The following GCNT2 variants were observed in gnomAD, a reference collection of about 807,000 sequenced individuals.
GCNT2 encodes the protein N-acetyllactosaminide beta-1,6-N-acetylglucosaminyl-transferase.
GCNT2 carries 34 observed loss-of-function variants against 34.2 expected under a neutral mutation model. The observed-to-expected ratio is 1.00, with a 90% CI of 0.76 to 1.32. The LOEUF is 1.32. Ranked by LOEUF, GCNT2 falls within the 40% of genes most tolerant of loss-of-function variation. GCNT2 has a pLI of 0.00. For missense variants in GCNT2, 584 were observed against 489.4 expected (o/e 1.19, Z -1.82); for synonymous variants, 212 against 188.0 (o/e 1.13, Z -1.04).
intron 3 of GCNT2, among the ~76,000 whole-genome samples, chr6:10,618,353 T>C (rs1765884896): frequency 6.6e-6 from 1 of 152,162 alleles, no homozygotes; most frequent in Non-Finnish European, 1.5e-5. Flanking sequence ...GGTTAGTAGG[T>C]GTTATGTGTT....
chr6:10,609,355 C>G (rs1404172726), intron 3 of GCNT2, among the ~76,000 whole-genome samples: 1 of 152,136 alleles, frequency 6.6e-6, no homozygotes, highest in African/African-American at 2.4e-5. Context: ...GTCAAGCTTG[C>G]TTTTACAATA....
intron 3 of GCNT2, among the ~76,000 whole-genome samples, chr6:10,605,203 T>A (rs1581473967): frequency 7.2e-6 from 1 of 139,354 alleles, no homozygotes; most frequent in East Asian, 2.1e-4. Flanking sequence ...TGCTTTCATG[T>A]AGGAATTTTT....
intron 3 of GCNT2, among the ~76,000 whole-genome samples, chr6:10,607,994 C>G (rs1215670282): frequency 6.6e-6 from 1 of 151,728 alleles, no homozygotes; most frequent in Non-Finnish European, 1.5e-5. Flanking sequence ...AATCTCTCCT[C>G]TGCCTCAAAT....
At chr6:10,585,322 C>T (rs1042279819) in intron 3 of GCNT2, among the ~76,000 whole-genome samples, 1 of 152,024 alleles carries the variant, frequency 6.6e-6, no homozygotes, top group Admixed American at 6.6e-5. Flanking sequence ...TGAGACTACA[C>T]GTGCGTGCCA....
intron 3 of GCNT2, among the ~76,000 whole-genome samples, chr6:10,611,461 G>A (rs1765552959): frequency 6.6e-6 from 1 of 151,870 alleles, no homozygotes; most frequent in African/African-American, 2.4e-5. Context: ...CTCCCAAGTA[G>A]CTGGGACTAC....
At chr6:10,550,932 A>G (rs930846712) in intron 3 of GCNT2, among the ~76,000 whole-genome samples, 2 of 152,208 alleles carry the variant, frequency 1.3e-5, no homozygotes, top group African/African-American at 4.8e-5. Context: ...CTCAAGCTAC[A>G]GACACACCCA....
intron 3 of GCNT2, among the ~76,000 whole-genome samples, chr6:10,553,209 G>A (rs902563707): frequency 6.6e-6 from 1 of 152,218 alleles, no homozygotes; most frequent in Non-Finnish European, 1.5e-5. Context: ...AGGAGGGAAT[G>A]TGTACACAAT....
chr6:10,553,176 G>T (rs1054994993), intron 3 of GCNT2, among the ~76,000 whole-genome samples: 1 of 152,188 alleles, frequency 6.6e-6, no homozygotes, highest in Non-Finnish European at 1.5e-5. Context: ...ATTCGTACAT[G>T]CAATTAAATA....
Position 10,553,109 on chromosome 6 carries a change from TAATTGAC to T in GCNT2, c.925+23277_925+23283del, listed in dbSNP as rs1458306467. Among the ~76,000 whole-genome samples the T allele has an allele frequency of 4.6e-5, 7 of 152,360 alleles. No homozygotes were observed. The South Asian group carries it at 1.0e-3, about 23-fold the overall frequency. The stretch of plus-strand genomic sequence containing the variant: ...CCTTTCCCAACTAAAGGATGGTGGT[TAATTGAC>T]AATAGACAAACAAGTCTCAGAACAA... On this transcript the variant is annotated intron_variant, in intron 3 of 4. Transcript: ENST00000495262.
chr6:10,601,157 T>C (rs528925648), intron 3 of GCNT2, among the ~76,000 whole-genome samples: 6 of 152,332 alleles, frequency 3.9e-5, no homozygotes, highest in East Asian at 1.9e-4. Context: ...TTCCATGTTA[T>C]TTGTTTTGCC....
intron 3 of GCNT2, chr6:10,574,645 G>C: frequency 3.5e-6 from 1 of 284,240 alleles, no homozygotes; most frequent in Non-Finnish European, 6.7e-6. Context: ...TAGACCATGG[G>C]CTAAATCTGC....
intron 3 of GCNT2, among the ~76,000 whole-genome samples, chr6:10,561,787 C>T (rs188216367): frequency 6.2e-4 from 94 of 151,386 alleles, no homozygotes; most frequent in African/African-American, 1.7e-3. Flanking sequence ...TCATTTATTT[C>T]GTTTCCTTTT....
chr6:10,571,438 G>A (rs578191659), intron 3 of GCNT2, among the ~76,000 whole-genome samples: 1 of 152,134 alleles, frequency 6.6e-6, no homozygotes, highest in Non-Finnish European at 1.5e-5. Flanking sequence ...TGCAACCTCC[G>A]CCTCCCAGGT....
intron 3 of GCNT2, among the ~76,000 whole-genome samples, chr6:10,570,535 G>A (rs1328589345): frequency 1.3e-5 from 2 of 152,128 alleles, no homozygotes; most frequent in African/African-American, 2.4e-5. Flanking sequence ...ATTTAGCTTC[G>A]TGCTACCATC....
chr6:10,552,173 G>C (rs1451452919), intron 3 of GCNT2, among the ~76,000 whole-genome samples: 1 of 152,128 alleles, frequency 6.6e-6, no homozygotes, highest in African/African-American at 2.4e-5. Context: ...CGGAGAAGCA[G>C]GATTTTCCCC....
At chr6:10,593,484 T>C (rs1278980138) in intron 3 of GCNT2, among the ~76,000 whole-genome samples, 3 of 152,116 alleles carry the variant, frequency 2.0e-5, no homozygotes, top group Admixed American at 6.5e-5. Context: ...ACTACAGGTA[T>C]GCACCACTAC....
At chr6:10,538,437 A>ATATATATAT (rs57612140) in intron 3 of GCNT2, among the ~76,000 whole-genome samples, 2 of 73,346 alleles carry the variant, frequency 2.7e-5, no homozygotes, top group African/African-American at 2.4e-4. Context: ...AAAAAAAAAA[A>ATATATATAT]ATATATATAT....
Position 10,529,825 on chromosome 6 carries a change from A to T in GCNT2, c.914A>T (p.Asn305Ile). 6.2e-7 allele frequency: 1 copy of T among 1,613,014 alleles called. No individual in the cohort carries two copies. ...SPDEHFWVTL[N>I]RIPGVPGSMP... ...GACGAACATTTCTGGGTGACACTCA[A>T]CAGGATTCCCGGTATGTACGTCTCT... The change falls in exon 3 of 5, where the codon AAC (asparagine) becomes ATC (isoleucine). Residue 305 changes from asparagine (N) to isoleucine (I), a missense_variant. Transcript: ENST00000495262.
chr6:10,586,536 C>T, intron 3 of GCNT2: 1 of 1,614,136 alleles, frequency 6.2e-7, no homozygotes, highest in Non-Finnish European at 8.5e-7. Flanking sequence ...CTCTGAGGTT[C>T]CCTGGAAGTA....
Sources: allele counts gnomAD v4.1 joint callset (sites outside exome capture counted in the v4.1 genomes callset), GRCh38; gene constraint gnomAD v4.1.1; transcripts MANE v1.5; gene names NCBI Gene and HGNC (gene_info 2026-07-23, HGNC 2026-07-21).